Variants in CDH4 observed in about 807,000 individuals in gnomAD.
CDH4 encodes cadherin-4.
CDH4 carries 33 observed loss-of-function variants against 86.0 expected under a neutral mutation model. The observed-to-expected ratio is 0.38, with a 90% CI of 0.29 to 0.51. The LOEUF (loss-of-function observed/expected upper bound fraction) is 0.51. Among genes scored for constraint, CDH4 ranks in the 20% least tolerant of loss-of-function variants. The pLI, the probability that CDH4 is intolerant of heterozygous loss-of-function variation, is 0.86. For missense variants in CDH4, 1,114 were observed against 1,307.4 expected, an observed-to-expected ratio of 0.85 and a Z score of 2.28; for synonymous variants, 555 against 549.4, an observed-to-expected ratio of 1.01 and a Z score of -0.14.
intron 2 of CDH4, among the ~76,000 whole-genome samples, chr20:61,376,701 G>T (rs951439124): frequency 6.6e-6 from 1 of 152,192 alleles, no homozygotes; most frequent in Non-Finnish European, 1.5e-5. Flanking sequence ...CTGTGTGGCT[G>T]CTCCCGTTTT....
At chr20:61,599,666 CAG>C (rs2086582787) in intron 2 of CDH4, 1 of 236,160 alleles carries the variant, frequency 4.2e-6, no homozygotes, top group Non-Finnish European at 6.9e-6. Context: ...GTGAAAGACA[CAG>C]AGTGGAGAAG....
intron 3 of CDH4, among the ~76,000 whole-genome samples, chr20:61,762,242 CAG>C (rs2088642702): frequency 6.6e-6 from 1 of 152,356 alleles, no homozygotes; most frequent in South Asian, 2.1e-4. Flanking sequence ...ATGTTGGAAA[CAG>C]AATGAAATCC....
At chr20:61,277,757 C>A (rs2084238458) in intron 2 of CDH4, among the ~76,000 whole-genome samples, 1 of 152,234 alleles carries the variant, frequency 6.6e-6, no homozygotes, top group African/African-American at 2.4e-5. Flanking sequence ...ATGTTGGCAT[C>A]AGGTATCCAG....
At chr20:61,683,316 C>T (rs549358627) in intron 2 of CDH4, among the ~76,000 whole-genome samples, 75 of 152,298 alleles carry the variant, frequency 4.9e-4, no homozygotes, top group Admixed American at 4.1e-3. Context: ...GAGAAAGAAA[C>T]GATCACAAGA....
chr20:61,419,650 C>T (rs2085166518), intron 2 of CDH4, among the ~76,000 whole-genome samples: 1 of 140,388 alleles, frequency 7.1e-6, no homozygotes, highest in Admixed American at 7.0e-5. Flanking sequence ...GTCCTAGTTG[C>T]CTCTCTCTTC....
intron 2 of CDH4, among the ~76,000 whole-genome samples, chr20:61,693,012 C>T (rs377352188): frequency 1.1e-4 from 17 of 151,996 alleles, no homozygotes; most frequent in South Asian, 8.3e-4. Flanking sequence ...CAGCCAGCCC[C>T]GGGATGGAGA....
At chr20:61,787,882 G>C (rs924043544) in intron 4 of CDH4, among the ~76,000 whole-genome samples, 1 of 152,170 alleles carries the variant, frequency 6.6e-6, no homozygotes, top group Non-Finnish European at 1.5e-5. Flanking sequence ...GATGTCAGAG[G>C]GGCTGAATAG....
At chr20:61,549,795 A>G (rs550266117) in intron 2 of CDH4, among the ~76,000 whole-genome samples, 3 of 152,236 alleles carry the variant, frequency 2.0e-5, no homozygotes, top group African/African-American at 7.2e-5. Context: ...CGCTTAGCGC[A>G]TGGGAAACAT....
intron 2 of CDH4, among the ~76,000 whole-genome samples, chr20:61,330,685 G>A (rs116213841): frequency 0.022 from 3,396 of 152,326 alleles, 86 homozygotes; most frequent in South Asian, 0.055. Context: ...TCCCACGAAC[G>A]GGGTCAGAAC....
rs199958206 is a variant in CDH4 at position 61,565,228 on chromosome 20, T to TA, written c.170-178335_170-178334insA. 5.5e-4 allele frequency among the ~76,000 whole-genome samples: 16 copies of TA among 29,270 alleles called. 3 individuals are homozygous for TA. Among genetic ancestry groups the TA allele is most frequent in the Non-Finnish European group, 9.9e-4 (13 of 13,196 alleles). The allele number at this position is 29,270 out of a possible 152,430, so 19.2% of individuals were successfully genotyped here. A position where few individuals can be genotyped will look rare whatever the true frequency, so the allele number is the denominator to read the frequency against. On this transcript the variant is annotated intron_variant, in intron 2 of 15. Coordinates refer to ENST00000614565, the MANE Select transcript of CDH4 (RefSeq NM_001794.5). ...TCGCGGTGCTCTCGGTGGTAGGTGG[T>TA]GGTGGTGGTGGTGGCGGTGCTCTTG...
rs192811630 is a variant in CDH4 at position 61,700,417 on chromosome 20, C to T, written c.170-43146C>T. ...TGGGCTTATATTAGACTCTTGGGGT[C>T]AGGCCTTCCTTGAAAAACGTGTGGA... On this transcript the variant is annotated intron_variant, in intron 2 of 15. Transcript: ENST00000614565. Among the ~76,000 whole-genome samples the T allele has an allele frequency of 4.6e-4, 70 of 152,312 alleles. 1 individual carries two copies. The highest frequency in any genetic ancestry group is 1.6e-3 in the African/African-American group (66 of 41,574).
chr20:61,401,747 T>A (rs114985773), intron 2 of CDH4, among the ~76,000 whole-genome samples: 9,981 of 152,290 alleles, frequency 0.066, 1,074 homozygotes, highest in African/African-American at 0.23. Flanking sequence ...GTAGATTCTT[T>A]GGCCAGGGAG....
At chr20:61,375,899 T>G (rs865808478) in intron 2 of CDH4, among the ~76,000 whole-genome samples, 2 of 150,780 alleles carry the variant, frequency 1.3e-5, no homozygotes, top group African/African-American at 4.9e-5. Context: ...GTGTGGTTTG[T>G]TGATGGTAGT....
intron 2 of CDH4, among the ~76,000 whole-genome samples, chr20:61,300,377 C>T (rs889823734): frequency 2.0e-5 from 3 of 152,142 alleles, no homozygotes; most frequent in East Asian, 1.9e-4. Context: ...CAGCTGCTCC[C>T]GGGAACCTGG....
rs146103061 is a variant in CDH4 at position 61,899,716 on chromosome 20, C to T, written c.1188+4669C>T. 2.1e-3 allele frequency among the ~76,000 whole-genome samples: 326 copies of T among 152,236 alleles called. 1 individual carries two copies. Among genetic ancestry groups the T allele is most frequent in the African/African-American group, 6.4e-3 (264 of 41,556 alleles). ...TGCTGGGATTACAGGTGTGAGCCAC[C>T]GCACCCAGCCCAGGTTAAATATTTT... On this transcript the variant is annotated intron_variant, in intron 8 of 15. Coordinates refer to ENST00000614565, the MANE Select transcript of CDH4 (RefSeq NM_001794.5).
intron 4 of CDH4, among the ~76,000 whole-genome samples, chr20:61,818,358 C>T (rs149608742): frequency 8.3e-4 from 126 of 152,262 alleles, no homozygotes; most frequent in African/African-American, 2.9e-3. Flanking sequence ...AACTGCCTTC[C>T]AGGTCTCTAG....
chr20:61,931,237 A>C (rs1417875132), intron 13 of CDH4, among the ~76,000 whole-genome samples: 1 of 152,218 alleles, frequency 6.6e-6, no homozygotes, highest in Admixed American at 6.5e-5. Context: ...CGTCGAGCCA[A>C]GACTAGGCCC....
In CDH4 at chr20:61,392,810, G is replaced by T. The variant is rs895119016; in HGVS notation, c.169+137873G>T. Among the ~76,000 whole-genome samples, 1 of 152,178 alleles carries T rather than the reference G, an allele frequency of 6.6e-6. No homozygotes were observed. The highest frequency in any genetic ancestry group is 1.5e-5 in the Non-Finnish European group (1 of 68,010). On this transcript the variant is annotated intron_variant, in intron 2 of 15. Coordinates refer to ENST00000614565, the MANE Select transcript of CDH4 (RefSeq NM_001794.5). This position sits in a 1 kb window ranked among gnomAD's most constrained non-coding sequence, Gnocchi z 5.7. The stretch of plus-strand genomic sequence containing the variant: ...CGGGGTAGAAACACTGGCCCCCCAC[G>T]GTGCTCTAGAAATGTCAGATGCATT...
At chr20:61,918,674 G>A (rs77710120) in intron 9 of CDH4, among the ~76,000 whole-genome samples, 3,169 of 152,220 alleles carry the variant, frequency 0.021, 107 homozygotes, top group African/African-American at 0.072. Flanking sequence ...TCACCTAAGC[G>A]TGGTGTCGCG....
Sources: gnomAD v4.1 joint callset for allele counts (sites outside exome capture counted in the v4.1 genomes callset) on GRCh38, gnomAD v4.1.1 for gene constraint, Gnocchi (gnomAD v3.1) non-coding constraint, MANE v1.5 for transcripts, NCBI Gene and HGNC (gene_info 2026-07-23, HGNC 2026-07-21) for gene names.